CCDC127: variants seen among roughly 807,000 people sequenced by gnomAD.
CCDC127 encodes coiled-coil domain-containing protein 127.
CCDC127 carries 2 observed loss-of-function variants against 4.1 expected under a neutral mutation model. That is an observed-to-expected ratio of 0.49 (90% CI 0.20 to 1.53). The LOEUF (loss-of-function observed/expected upper bound fraction) is 1.53. Ranked by LOEUF, CCDC127 falls within the 40% of genes most tolerant of loss-of-function variation. The pLI is 0.23. For synonymous variants in CCDC127, 98 were observed against 120.4 expected (o/e 0.81, Z 1.22); for missense variants, 271 against 322.9 (o/e 0.84, Z 1.23).
At chr5:208,396 C>G (rs1462979323) in intron 2 of CCDC127, among the ~76,000 whole-genome samples, 1 of 152,214 alleles carries the variant, frequency 6.6e-6, no homozygotes, top group Non-Finnish European at 1.5e-5. Flanking sequence ...TCCAACAAAG[C>G]CTGCTGTCTC....
rs1734108846 is a variant in CCDC127, at chr5:203,425, T to C, written c.*1872A>G. The C allele has an allele frequency of 6.6e-6, 1 of 152,188 alleles. No individual in the cohort carries two copies. Among genetic ancestry groups the C allele is most frequent in the African/African-American group, 2.4e-5 (1 of 41,420 alleles). 9.4% of individuals were successfully genotyped at this position (152,188 alleles called of 1,614,324 possible). A position where few individuals can be genotyped will look rare whatever the true frequency, so the allele number is the denominator to read the frequency against. ...GGGCGTGGGTGCCGAGAGCAGAGCA[T>C]GGCAGGGGGCCCGTGTCTGTTGCAG... On this transcript the variant is annotated 3_prime_UTR_variant, in exon 3 of 3. Transcript: ENST00000296824.
intron 2 of CCDC127, chr5:215,124 T>C (rs1467518081): frequency 2.6e-5 from 4 of 152,214 alleles, no homozygotes; most frequent in Admixed American, 2.0e-4. Flanking sequence ...AGTATTCATA[T>C]GTCTGCCTCT....
intron 1 of CCDC127, among the ~76,000 whole-genome samples, chr5:217,747 T>C (rs1034202151): frequency 2.6e-5 from 4 of 152,040 alleles, no homozygotes; most frequent in African/African-American, 4.8e-5. Context: ...GCACCCTCCA[T>C]AGCTAGGCTG....
At chr5:217,951 C>A (rs759421463) in intron 1 of CCDC127, 142 bp downstream of exon 1, 2 of 322,220 alleles carry the variant, frequency 6.2e-6, no homozygotes, top group Non-Finnish European at 9.6e-6. Context: ...CCGCCCACCT[C>A]CGCGGACGAG....
At chr5:215,872 C>T (rs1015998383) in intron 2 of CCDC127, 2 of 152,058 alleles carry the variant, frequency 1.3e-5, no homozygotes, top group African/African-American at 4.8e-5. Flanking sequence ...ACTCACTCCT[C>T]TGCATCAGTG....
rs200659342 is a variant in CCDC127 at position 196,926 on chromosome 5, T to A, written c.*8371A>T. The A allele has an allele frequency of 1.5e-5, 2 of 136,932 alleles. No homozygotes were observed. The highest frequency in any genetic ancestry group is 2.6e-5 in the African/African-American group (1 of 37,790). The allele number at this position is 136,932 out of a possible 1,614,324, so 8.5% of individuals were successfully genotyped here. On this transcript the variant is annotated 3_prime_UTR_variant, in exon 3 of 3. Transcript: ENST00000296824. ...CGCTCAGCATACCAAGGACCTGCACTGGCACCGGCCTCTGAGTTCCCTCAG... is the reference window on the plus strand; with the variant it reads ...CGCTCAGCATACCAAGGACCTGCACAGGCACCGGCCTCTGAGTTCCCTCAG...
rs1389794447 is a variant in CCDC127 at position 198,176 on chromosome 5, A to G, written c.*7121T>C. ...ACGGCCTCCTGCCGAGTGGGCAGATATGGTGACTTCCACTCCCCACATTCG... is the reference window on the plus strand; with the variant it reads ...ACGGCCTCCTGCCGAGTGGGCAGATGTGGTGACTTCCACTCCCCACATTCG... On this transcript the variant is annotated 3_prime_UTR_variant, in exon 3 of 3. Transcript: ENST00000296824. 2 of 152,308 alleles carry G rather than the reference A, an allele frequency of 1.3e-5. No individual in the cohort carries two copies. The highest frequency in any genetic ancestry group is 1.9e-4 in the East Asian group (1 of 5,190). The allele number at this position is 152,308 out of a possible 1,614,324, so 9.4% of individuals were successfully genotyped here.
At chr5:209,895 C>A (rs532582962) in intron 2 of CCDC127, among the ~76,000 whole-genome samples, 2 of 150,312 alleles carry the variant, frequency 1.3e-5, no homozygotes, top group African/African-American at 2.4e-5. Flanking sequence ...CAAAAAAAAA[C>A]GGACCAAATT....
intron 2 of CCDC127, among the ~76,000 whole-genome samples, chr5:207,897 C>A (rs1233861119): frequency 6.6e-6 from 1 of 152,158 alleles, no homozygotes; most frequent in Non-Finnish European, 1.5e-5. Context: ...CACCAAACCA[C>A]TGGAAAACTA....
In CCDC127 at chr5:197,194, A is replaced by AG. The variant is rs1319009355; in HGVS notation, c.*8102_*8103insC. ...GCAAACATGTCTCGCCTCCCGCCAC[A>AG]AGGCGGCTTTTCTCCTGTCTCAGAG... is the stretch of plus-strand genomic sequence containing the variant. On this transcript the variant is annotated 3_prime_UTR_variant, in exon 3 of 3. Transcript: ENST00000296824. The AG allele has an allele frequency of 2.0e-5, 3 of 152,210 alleles. No homozygotes were observed. The allele number at this position is 152,210 out of a possible 1,614,324, so 9.4% of individuals were successfully genotyped here.
Position 205,022 on chromosome 5 carries a change from C to T in CCDC127, c.*275G>A, listed in dbSNP as rs1289218280. On this transcript the variant is annotated 3_prime_UTR_variant, in exon 3 of 3. Transcript: ENST00000296824. ...CCATTTTTACCCTGGAGCTAAAATA[C>T]GAGGTTATACTGTTCTGCTTAATAC... The T allele has an allele frequency of 9.5e-6, 3 of 315,960 alleles. No individual in the cohort carries two copies. Among genetic ancestry groups the T allele is most frequent in the South Asian group, 1.4e-4 (1 of 7,004 alleles). The allele number at this position is 315,960 out of a possible 1,614,324, so 19.6% of individuals were successfully genotyped here.
chr5:202,079 C>T lies in CCDC127; in HGVS notation c.*3218G>A, dbSNP rs9312957. On this transcript the variant is annotated 3_prime_UTR_variant, in exon 3 of 3. Transcript: ENST00000296824. ...CACCAACCAGCACAATTACCCTTTT[C>T]TGCAACTTTAAACCACTTTGGTTGA... is the stretch of plus-strand genomic sequence containing the variant. 0.15 allele frequency: 23,023 copies of T among 152,302 alleles called. 1,980 individuals are homozygous for T. The highest frequency in any genetic ancestry group is 0.22 in the African/African-American group (9,323 of 41,532). 9.4% of individuals were successfully genotyped at this position (152,302 alleles called of 1,614,324 possible).
chr5:207,344 C>T (rs567087847), intron 2 of CCDC127, among the ~76,000 whole-genome samples: 1 of 152,158 alleles, frequency 6.6e-6, no homozygotes, highest in Non-Finnish European at 1.5e-5. Flanking sequence ...CTCCCTTTGA[C>T]GAGAGCTCAC....
At chr5:213,419 C>G (rs547955635) in intron 2 of CCDC127, among the ~76,000 whole-genome samples, 1 of 102,046 alleles carries the variant, frequency 9.8e-6, no homozygotes, top group Admixed American at 9.6e-5. Flanking sequence ...GCAGACTGGA[C>G]AGCAGTGTGA....
chr5:205,731 TTTC>T lies in CCDC127; in HGVS notation c.346_348del (p.Glu116del). 1 of 1,614,122 alleles carries T rather than the reference TTTC, an allele frequency of 6.2e-7. No individual in the cohort carries two copies. The highest frequency in any genetic ancestry group is 8.5e-7 in the Non-Finnish European group (1 of 1,180,000). On this transcript the variant is annotated inframe_deletion, in exon 3 of 3. Transcript: ENST00000296824. ...GCCCGTTCCTGTTCCAGAAGCTTCT[TTTC>T]TTCTACCAACTTGCGTCCCTGAGAG...
intron 2 of CCDC127, among the ~76,000 whole-genome samples, chr5:206,214 T>TACCACTGCTTTTCTTCTCCTTGCAAACCC (rs55724590): frequency 2.6e-5 from 4 of 151,748 alleles, no homozygotes; most frequent in Admixed American, 6.6e-5. Context: ...TAAGAAGATC[T>TACCACTGCTTTTCTTCTCCTTGCAAACCC]ACCACCATTT....
chr5:205,917 CTT>C lies in CCDC127; in HGVS notation c.161_162del (p.Lys54ArgfsTer47). 6.2e-7 allele frequency: 1 copy of C among 1,613,796 alleles called. No homozygotes were observed. Among genetic ancestry groups the C allele is most frequent in the Non-Finnish European group, 8.5e-7 (1 of 1,179,800 alleles). ...GTTCTCCGACGGTAGGCTTCTCTCT[CTT>C]TTTCTACTTCTTTCTGGGACTCCCT... Reference protein sequence around the residue: ...WSRESQKEVEKEREAYRRRTA... With the variant: ...WSRESQKEVEXEREAYRRRTA... On this transcript the variant is annotated frameshift_variant, in exon 3 of 3. Coordinates refer to ENST00000296824, the MANE Select transcript of CCDC127 (RefSeq NM_145265.3). LOFTEE classifies it low-confidence loss of function (END_TRUNC).
At chr5:216,663 C>A (rs1165397181) in intron 2 of CCDC127, 66 bp downstream of exon 2, 6 of 1,608,486 alleles carry the variant, frequency 3.7e-6, no homozygotes, top group Non-Finnish European at 3.4e-6. Context: ...CACCATGCTG[C>A]CTCCCTCACC....
In CCDC127 at chr5:218,074, G is replaced by T; in HGVS notation, c.-11+19C>A. 2 of 1,159,806 alleles carry T rather than the reference G, an allele frequency of 1.7e-6. No homozygotes were observed. The highest frequency in any genetic ancestry group is 2.1e-6 in the Non-Finnish European group (2 of 940,098). The allele number at this position is 1,159,806 out of a possible 1,614,324, so 71.8% of individuals were successfully genotyped here. ...AAATGTTGGTGCCCACCACCTCCCC[G>T]GAACAGGGCCCGCTCTACCTCGGTC... On this transcript the variant is annotated intron_variant, in intron 1 of 2. Transcript: ENST00000296824.
Sources: allele counts gnomAD v4.1 joint callset (sites outside exome capture counted in the v4.1 genomes callset), GRCh38; gene constraint gnomAD v4.1.1; transcripts MANE v1.5; gene names NCBI Gene and HGNC (gene_info 2026-07-23, HGNC 2026-07-21).